FGF14: variants seen among roughly 807,000 people sequenced by gnomAD.
FGF14 encodes fibroblast growth factor homologous factor 4.
In FGF14, 5 loss-of-function variants were observed where a neutral mutation model predicts 25.5. That is an observed-to-expected ratio of 0.20 (90% CI 0.10 to 0.41). The LOEUF (loss-of-function observed/expected upper bound fraction) is 0.41, where lower values mean the gene tolerates loss of function less well. Ranked by LOEUF, FGF14 falls within the 10% of genes least tolerant of loss-of-function variation. The probability of loss-of-function intolerance (pLI) is 1.00; values close to 1 mark genes in which losing one functional copy is unlikely to be tolerated. For synonymous variants in FGF14, 138 were observed against 118.3 expected, an observed-to-expected ratio of 1.17 and a Z score of -1.08; for missense variants, 222 against 320.1, an observed-to-expected ratio of 0.69 and a Z score of 2.34.
At chr13:101,951,451 T>C (rs1361263558) in intron 1 of FGF14, among the ~76,000 whole-genome samples, 1 of 152,124 alleles carries the variant, frequency 6.6e-6, no homozygotes, top group Non-Finnish European at 1.5e-5. Flanking sequence ...TGGACAATTT[T>C]AGGAATTTTA....
At chr13:102,206,885 A>T (rs573468122) in intron 1 of FGF14, among the ~76,000 whole-genome samples, 2 of 152,274 alleles carry the variant, frequency 1.3e-5, no homozygotes, top group East Asian at 3.9e-4. Flanking sequence ...TCAGGTATAA[A>T]GCCAAATATT....
chr13:102,253,332 T>C (rs936843959), intron 1 of FGF14, among the ~76,000 whole-genome samples: 4 of 152,178 alleles, frequency 2.6e-5, no homozygotes, highest in African/African-American at 9.6e-5. Context: ...CCAGCATCTG[T>C]TGTTTCCTGA....
intron 1 of FGF14, among the ~76,000 whole-genome samples, chr13:101,981,895 G>A (rs2139615830): frequency 6.6e-6 from 1 of 152,310 alleles, no homozygotes; most frequent in South Asian, 2.1e-4. Flanking sequence ...GCTAGTGGAA[G>A]ATATTAGGCC....
chr13:102,306,064 A>ACCTGTTAC (rs2055360902), intron 1 of FGF14, among the ~76,000 whole-genome samples: 1 of 152,188 alleles, frequency 6.6e-6, no homozygotes, highest in African/African-American at 2.4e-5. Flanking sequence ...TCGGAGAGGT[A>ACCTGTTAC]CCACTTTGAT....
intron 3 of FGF14, among the ~76,000 whole-genome samples, chr13:101,831,575 T>C (rs966754873): frequency 1.5e-4 from 23 of 152,124 alleles, no homozygotes; most frequent in African/African-American, 5.3e-4. Context: ...CCTAGACCAT[T>C]GGAAAGTGAA....
At chr13:102,140,959 G>A (rs1223887484) in intron 1 of FGF14, among the ~76,000 whole-genome samples, 2 of 152,234 alleles carry the variant, frequency 1.3e-5, no homozygotes, top group Non-Finnish European at 2.9e-5. Context: ...TATAGGAAGA[G>A]CAGACAGCTG....
intron 1 of FGF14, among the ~76,000 whole-genome samples, chr13:102,324,699 T>C (rs887436756): frequency 3.9e-5 from 6 of 152,198 alleles, no homozygotes; most frequent in Non-Finnish European, 7.3e-5. Context: ...GTAACTGTTA[T>C]TAACTTTGTT....
intron 1 of FGF14, among the ~76,000 whole-genome samples, chr13:102,282,237 T>C (rs2053878978): frequency 6.6e-6 from 1 of 152,088 alleles, no homozygotes; most frequent in South Asian, 2.1e-4. Flanking sequence ...AAGCTAATTT[T>C]GTATTTTTAG....
chr13:102,236,782 AC>A (rs762712690), intron 1 of FGF14, among the ~76,000 whole-genome samples: 2 of 152,224 alleles, frequency 1.3e-5, no homozygotes, highest in Non-Finnish European at 2.9e-5. Context: ...TAGTAAGTCC[AC>A]ATGGACATAG....
chr13:101,822,842 CATTTTTGT>C (rs1403714520), intron 3 of FGF14, among the ~76,000 whole-genome samples: 1 of 152,142 alleles, frequency 6.6e-6, no homozygotes, highest in African/African-American at 2.4e-5. Flanking sequence ...TACTTAACTA[CATTTTTGT>C]ATCTATTAAC....
At position 102,165,758 on chromosome 13, in the gene FGF14, T is replaced by C. The variant is rs146674111; in HGVS notation, c.208+235713A>G. ...GCAGCACACCAACATGGCACATGTA[T>C]ACGTATGTAACCTACACGTTGTGCA... is the stretch of plus-strand genomic sequence containing the variant. On this transcript the variant is annotated intron_variant, in intron 1 of 4. Coordinates refer to the FGF14 transcript ENST00000376131. 5.8e-3 allele frequency among the ~76,000 whole-genome samples: 883 copies of C among 151,196 alleles called. 15 individuals are homozygous for C. The highest frequency in any genetic ancestry group is 9.5e-3 in the Non-Finnish European group (640 of 67,690).
intron 1 of FGF14, among the ~76,000 whole-genome samples, chr13:101,903,775 A>G (rs1478297427): frequency 6.6e-6 from 1 of 152,222 alleles, no homozygotes; most frequent in Non-Finnish European, 1.5e-5. Context: ...GGGGTAAGGC[A>G]GAGACAGGGA....
At chr13:102,013,175 C>T (rs914067735) in intron 1 of FGF14, among the ~76,000 whole-genome samples, 4 of 151,592 alleles carry the variant, frequency 2.6e-5, no homozygotes, top group African/African-American at 7.3e-5. Context: ...AAGAAACAAA[C>T]AAAAAACACC....
intron 1 of FGF14, among the ~76,000 whole-genome samples, chr13:102,109,939 T>C (rs2045135732): frequency 1.3e-5 from 2 of 152,058 alleles, no homozygotes; most frequent in South Asian, 4.1e-4. Context: ...TCTTTAGAGA[T>C]TGCAAAACAC....
At chr13:101,998,260 A>G (rs2039295305) in intron 1 of FGF14, among the ~76,000 whole-genome samples, 1 of 152,206 alleles carries the variant, frequency 6.6e-6, no homozygotes, top group African/African-American at 2.4e-5. Flanking sequence ...ATTAAAGAAT[A>G]TTGGAACATT....
chr13:101,810,333 G>A (rs1014731328), intron 3 of FGF14, among the ~76,000 whole-genome samples: 63 of 151,960 alleles, frequency 4.1e-4, no homozygotes, highest in African/African-American at 1.5e-3. Flanking sequence ...GTTTTATAAC[G>A]GTTTGTTTGA....
intron 1 of FGF14, among the ~76,000 whole-genome samples, chr13:101,955,922 G>C (rs1299448676): frequency 6.6e-6 from 1 of 152,182 alleles, no homozygotes; most frequent in African/African-American, 2.4e-5. Flanking sequence ...GACAATTGCT[G>C]CCTCGTGTTA....
At chr13:102,080,362 G>A (rs979887811) in intron 1 of FGF14, among the ~76,000 whole-genome samples, 2 of 152,142 alleles carry the variant, frequency 1.3e-5, no homozygotes, top group African/African-American at 4.8e-5. Flanking sequence ...GGGTGCCGGC[G>A]ACGTCAAGGA....
chr13:102,023,270 A>T (rs939961545), intron 1 of FGF14, among the ~76,000 whole-genome samples: 4 of 152,010 alleles, frequency 2.6e-5, no homozygotes, highest in Admixed American at 2.6e-4. Flanking sequence ...AAACCAATAT[A>T]TGAACTTAAA....
Sources: gnomAD v4.1 joint callset for allele counts (sites outside exome capture counted in the v4.1 genomes callset) on GRCh38, gnomAD v4.1.1 for gene constraint, MANE v1.5 for transcripts, NCBI Gene and HGNC (gene_info 2026-07-23, HGNC 2026-07-21) for gene names.